The following DENND1A variants were observed in gnomAD, a reference collection of about 807,000 sequenced individuals.
The protein encoded by DENND1A is DENN domain-containing protein 1A.
A neutral mutation model predicts 113.7 loss-of-function variants in DENND1A; 51 were observed. That is an observed-to-expected ratio of 0.45 (90% confidence interval 0.36 to 0.57). The LOEUF (loss-of-function observed/expected upper bound fraction) is 0.57. DENND1A is among the 20% of genes least tolerant of loss of function. The pLI, the probability that DENND1A is intolerant of heterozygous loss-of-function variation, is 0.00. For missense variants in DENND1A, 1,258 were observed against 1,395.9 expected (o/e 0.90, Z 1.57); for synonymous variants, 565 against 570.8 (o/e 0.99, Z 0.14).
intron 13 of DENND1A, among the ~76,000 whole-genome samples, chr9:123,553,398 C>CG (rs926712840): frequency 1.8e-4 from 8 of 45,594 alleles, no homozygotes; most frequent in Non-Finnish European, 3.3e-4. Flanking sequence ...TTTTTAAAAG[C>CG]CGCCCCCCCC....
intron 11 of DENND1A, among the ~76,000 whole-genome samples, chr9:123,601,138 T>G (rs1026554148): frequency 6.6e-6 from 1 of 152,240 alleles, no homozygotes; most frequent in Non-Finnish European, 1.5e-5. Flanking sequence ...CACATTTTTT[T>G]ACTGGGATTC....
chr9:123,806,508 CG>C (rs1192311731), intron 2 of DENND1A, among the ~76,000 whole-genome samples: 1 of 152,134 alleles, frequency 6.6e-6, no homozygotes, highest in Non-Finnish European at 1.5e-5. Flanking sequence ...CTGCCCGCCT[CG>C]GTCTCCCAAA....
chr9:123,864,045 C>T (rs1276415835), intron 2 of DENND1A, among the ~76,000 whole-genome samples: 1 of 150,644 alleles, frequency 6.6e-6, no homozygotes, highest in Non-Finnish European at 1.5e-5. Flanking sequence ...CTCTATAGTC[C>T]TCTACACTAT....
chr9:123,733,453 T>C (rs1009729688), intron 5 of DENND1A, among the ~76,000 whole-genome samples: 10 of 152,056 alleles, frequency 6.6e-5, no homozygotes, highest in Admixed American at 5.9e-4. Flanking sequence ...CTAATTTTTA[T>C]ATTTTTTATT....
intron 10 of DENND1A, among the ~76,000 whole-genome samples, chr9:123,617,305 C>A (rs1281386373): frequency 6.6e-6 from 1 of 152,202 alleles, no homozygotes; most frequent in East Asian, 1.9e-4. Flanking sequence ...GTGGTTTCGA[C>A]AGCAAGAGCA....
chr9:123,544,383 GTTAGT>G lies in DENND1A; in HGVS notation c.993+13182_993+13186del, dbSNP rs1356409922. 3.3e-5 allele frequency among the ~76,000 whole-genome samples: 5 copies of G among 152,336 alleles called. No homozygotes were observed. The East Asian group carries it at 9.6e-4, about 29-fold the overall frequency. ...CCTTGCAAAATAGTTTATAAAGGTTGTTAGTTTAACCTGTATTTGTCAAGAAACAC... is the reference window on the plus strand; with the variant it reads ...CCTTGCAAAATAGTTTATAAAGGTTGTTAACCTGTATTTGTCAAGAAACAC... On this transcript the variant is annotated intron_variant, in intron 13 of 23. Coordinates refer to ENST00000394215, the MANE Select transcript of DENND1A (RefSeq NM_001352964.2).
intron 10 of DENND1A, among the ~76,000 whole-genome samples, chr9:123,609,689 A>C (rs1445131088): frequency 6.6e-6 from 1 of 152,226 alleles, no homozygotes; most frequent in South Asian, 2.1e-4. Context: ...CATTGGAAAC[A>C]GCATGGGTAG....
At chr9:123,873,736 T>C (rs1276630514) in intron 2 of DENND1A, among the ~76,000 whole-genome samples, 3 of 151,962 alleles carry the variant, frequency 2.0e-5, no homozygotes, top group African/African-American at 7.2e-5. Context: ...AAGGCAAAAT[T>C]ATCTATCTCT....
At chr9:123,609,675 G>A (rs2060324461) in intron 10 of DENND1A, among the ~76,000 whole-genome samples, 194 bp from the exon 11 acceptor site, 1 of 152,186 alleles carries the variant, frequency 6.6e-6, no homozygotes, top group African/African-American at 2.4e-5. Flanking sequence ...CAAAACGTGG[G>A]CAGCATTGGA....
At position 123,457,345 on chromosome 9, in the gene DENND1A, C is replaced by T. The variant is rs1437338161; in HGVS notation, c.1186+3G>A. On this transcript the variant is annotated splice_donor_region_variant and intron_variant, in intron 15 of 23. Transcript: ENST00000394215. ...CCCGGAAGGAAAATGAGTTGCTTCTCACCAGCGTACTCGCCCATGTTGATT... is the reference window on the plus strand; with the variant it reads ...CCCGGAAGGAAAATGAGTTGCTTCTTACCAGCGTACTCGCCCATGTTGATT... The T allele has an allele frequency of 6.2e-7, 1 of 1,612,888 alleles. No homozygotes were observed. Among genetic ancestry groups the T allele is most frequent in the Non-Finnish European group, 8.5e-7 (1 of 1,178,900 alleles).
intron 21 of DENND1A, among the ~76,000 whole-genome samples, 152 bp from the exon 22 acceptor site, chr9:123,388,010 G>A (rs1043305129): frequency 5.9e-5 from 9 of 152,212 alleles, no homozygotes; most frequent in East Asian, 3.8e-4. Flanking sequence ...GAGGAAGCTC[G>A]TTCCAGATAG....
At chr9:123,863,419 G>T (rs1845340944) in intron 2 of DENND1A, among the ~76,000 whole-genome samples, 1 of 152,146 alleles carries the variant, frequency 6.6e-6, no homozygotes, top group Non-Finnish European at 1.5e-5. Context: ...CAACTTAAAG[G>T]TATGTTTTGG....
intron 13 of DENND1A, among the ~76,000 whole-genome samples, chr9:123,535,122 T>C (rs952264468): frequency 6.6e-6 from 1 of 152,210 alleles, no homozygotes; most frequent in Non-Finnish European, 1.5e-5. Context: ...CTGACCACAG[T>C]GGTCTCTCCC....
intron 2 of DENND1A, chr9:123,842,946 C>T: frequency 3.1e-6 from 1 of 320,044 alleles, no homozygotes; most frequent in South Asian, 2.6e-5. Flanking sequence ...TGCATTAGGG[C>T]CAGGACAGCC....
rs546382511 is a variant in DENND1A, at chr9:123,467,612, G to A, written c.994-9715C>T. Among the ~76,000 whole-genome samples, 166 of 152,226 alleles carry A rather than the reference G, an allele frequency of 1.1e-3. 1 individual carries two copies. The highest frequency in any genetic ancestry group is 3.8e-3 in the African/African-American group (156 of 41,536). ...AGAGGTTGCAGTGAGCCGAGATCGCGCCACTGCACTCCAGCGTGGGCAACA... is the reference window on the plus strand; with the variant it reads ...AGAGGTTGCAGTGAGCCGAGATCGCACCACTGCACTCCAGCGTGGGCAACA... On this transcript the variant is annotated intron_variant, in intron 13 of 23. Coordinates refer to ENST00000394215, the MANE Select transcript of DENND1A (RefSeq NM_001352964.2).
At chr9:123,390,715 G>T (rs2042796120) in intron 21 of DENND1A, among the ~76,000 whole-genome samples, 1 of 152,202 alleles carries the variant, frequency 6.6e-6, no homozygotes, top group African/African-American at 2.4e-5. Flanking sequence ...TGGAGAACAG[G>T]GACTGCAGCC....
At chr9:123,507,013 C>T (rs1016882117) in intron 13 of DENND1A, among the ~76,000 whole-genome samples, 2 of 152,022 alleles carry the variant, frequency 1.3e-5, no homozygotes, top group Non-Finnish European at 2.9e-5. Flanking sequence ...TGGTGAAACT[C>T]AGTCTCTACT....
intron 13 of DENND1A, among the ~76,000 whole-genome samples, chr9:123,530,081 T>A (rs2055171861): frequency 6.6e-6 from 1 of 152,170 alleles, no homozygotes; most frequent in Non-Finnish European, 1.5e-5. Context: ...AGAGCATGGC[T>A]AATAAATTGG....
chr9:123,854,616 A>G (rs1843871942), intron 2 of DENND1A, among the ~76,000 whole-genome samples: 1 of 151,630 alleles, frequency 6.6e-6, no homozygotes, highest in Non-Finnish European at 1.5e-5. Context: ...AATCACTTGA[A>G]CCCAGGACGC....
Sources: allele counts gnomAD v4.1 joint callset (sites outside exome capture counted in the v4.1 genomes callset), GRCh38; gene constraint gnomAD v4.1.1; transcripts MANE v1.5; gene names NCBI Gene and HGNC (gene_info 2026-07-23, HGNC 2026-07-21).